FOCAD: variants seen among roughly 807,000 people sequenced by gnomAD.
FOCAD encodes focadhesin.
In FOCAD, 198 loss-of-function variants were observed where a neutral mutation model predicts 225.6. The observed-to-expected ratio is 0.88, with a 90% CI of 0.78 to 0.99. The LOEUF (loss-of-function observed/expected upper bound fraction) is 0.99. Among genes scored for constraint, FOCAD ranks in the 50% least tolerant of loss-of-function variants. The pLI, the probability that FOCAD is intolerant of heterozygous loss-of-function variation, is 0.00. For missense variants in FOCAD, 2,713 were observed against 2,123.6 expected, an observed-to-expected ratio of 1.28 and a Z score of -5.46; for synonymous variants, 897 against 755.0, an observed-to-expected ratio of 1.19 and a Z score of -3.08.
intron 16 of FOCAD, among the ~76,000 whole-genome samples, chr9:20,865,271 A>T (rs1829124945): frequency 6.6e-6 from 1 of 152,082 alleles, no homozygotes. Flanking sequence ...GGAAGAATTA[A>T]TATACTGTTG....
At chr9:20,918,806 G>C (rs374874924) in intron 24 of FOCAD, among the ~76,000 whole-genome samples, 13 of 152,250 alleles carry the variant, frequency 8.5e-5, no homozygotes, top group African/African-American at 3.1e-4. Context: ...ATGGTAGCAA[G>C]TGTATAAGAG....
upstream of FOCAD, chr9:20,683,991 T>A (rs1822496555): frequency 6.6e-6 from 1 of 152,306 alleles, no homozygotes; most frequent in Admixed American, 6.5e-5. Flanking sequence ...TTCCTTGGGC[T>A]AACTCCTCAC....
chr9:20,950,886 C>G, intron 33 of FOCAD, 110 bp from the exon 34 acceptor site: 1 of 861,728 alleles, frequency 1.2e-6, no homozygotes, highest in South Asian at 1.5e-5. Flanking sequence ...CTGCTCGTTG[C>G]CAGCCAAGCC....
At chr9:20,897,413 T>G (rs1231028517) in intron 21 of FOCAD, among the ~76,000 whole-genome samples, 4 of 148,602 alleles carry the variant, frequency 2.7e-5, no homozygotes, top group East Asian at 2.0e-4. Flanking sequence ...TTTGTTACTG[T>G]TTTTTTTTTC....
At chr9:20,873,308 T>C (rs1296426978) in intron 18 of FOCAD, among the ~76,000 whole-genome samples, 5 of 152,136 alleles carry the variant, frequency 3.3e-5, no homozygotes, top group Non-Finnish European at 2.9e-5. Context: ...TCAGGACTTT[T>C]TAGGCCACTA....
intron 5 of FOCAD, among the ~76,000 whole-genome samples, chr9:20,755,376 T>C (rs1353126893): frequency 6.6e-6 from 1 of 152,246 alleles, no homozygotes; most frequent in Non-Finnish European, 1.5e-5. Flanking sequence ...GCAACAAAGC[T>C]GGAGTGGCTC....
chr9:20,695,551 C>T (rs1214230308), intron 1 of FOCAD, among the ~76,000 whole-genome samples: 1 of 152,090 alleles, frequency 6.6e-6, no homozygotes, highest in Non-Finnish European at 1.5e-5. Context: ...TATACACGTA[C>T]ACAGTCTTCA....
At chr9:20,732,533 G>T (rs183136225) in intron 4 of FOCAD, among the ~76,000 whole-genome samples, 1 of 152,164 alleles carries the variant, frequency 6.6e-6, no homozygotes, top group Admixed American at 6.5e-5. Flanking sequence ...ACAGTGCAGC[G>T]CATGATTGAC....
At chr9:20,927,302 G>A (rs1383837615) in intron 26 of FOCAD, among the ~76,000 whole-genome samples, 1 of 152,074 alleles carries the variant, frequency 6.6e-6, no homozygotes, top group East Asian at 1.9e-4. Flanking sequence ...TGAAGGAATT[G>A]AAAAATATCA....
intron 1 of FOCAD, chr9:20,658,521 G>T (rs1367051159): frequency 1.3e-5 from 2 of 155,976 alleles, no homozygotes; most frequent in Admixed American, 6.5e-5. Flanking sequence ...GCAGTATTCG[G>T]GTGGGAGTGA....
chr9:20,719,169 C>T (rs1207061143), intron 3 of FOCAD, among the ~76,000 whole-genome samples: 1 of 152,058 alleles, frequency 6.6e-6, no homozygotes, highest in Non-Finnish European at 1.5e-5. Flanking sequence ...GCAACTTCTG[C>T]CTCCTGGGTT....
At chr9:20,778,149 T>C (rs1818980638) in intron 8 of FOCAD, among the ~76,000 whole-genome samples, 1 of 151,448 alleles carries the variant, frequency 6.6e-6, no homozygotes, top group Non-Finnish European at 1.5e-5. Context: ...ATCTGCTGTG[T>C]TGAGTTTTCC....
chr9:20,845,203 A>G (rs1826955541), intron 15 of FOCAD, among the ~76,000 whole-genome samples: 1 of 152,062 alleles, frequency 6.6e-6, no homozygotes, highest in African/African-American at 2.4e-5. Flanking sequence ...TTTTTAATGC[A>G]TGAGACACAT....
intron 1 of FOCAD, among the ~76,000 whole-genome samples, chr9:20,690,842 C>T (rs1465565199): frequency 6.6e-6 from 1 of 151,994 alleles, no homozygotes; most frequent in Admixed American, 6.6e-5. Context: ...CCATGCCTGG[C>T]CCTTTCATTT....
chr9:20,806,862 T>G (rs1822515185), intron 11 of FOCAD, among the ~76,000 whole-genome samples: 1 of 152,238 alleles, frequency 6.6e-6, no homozygotes, highest in Non-Finnish European at 1.5e-5. Context: ...CTTAGTGTCA[T>G]AGCACCCAGT....
chr9:20,679,582 T>A (rs766404923), upstream of FOCAD, among the ~76,000 whole-genome samples: 2 of 152,170 alleles, frequency 1.3e-5, no homozygotes, highest in Non-Finnish European at 2.9e-5. Context: ...CTCTCTTTTT[T>A]TTTGTTGTTG....
At chr9:20,752,561 G>A (rs1828666827) in intron 5 of FOCAD, among the ~76,000 whole-genome samples, 1 of 152,130 alleles carries the variant, frequency 6.6e-6, no homozygotes, top group Non-Finnish European at 1.5e-5. Flanking sequence ...GGTTACTGTA[G>A]CCTTGTATTA....
chr9:20,691,166 C>T (rs1822952332), intron 1 of FOCAD, among the ~76,000 whole-genome samples: 2 of 152,146 alleles, frequency 1.3e-5, no homozygotes, highest in Admixed American at 1.3e-4. Flanking sequence ...TGGTCTTGAA[C>T]TCCTGACCTC....
intron 21 of FOCAD, chr9:20,896,947 A>C (rs555508970): frequency 2.4e-4 from 37 of 151,856 alleles, no homozygotes; most frequent in African/African-American, 8.4e-4. Context: ...CTGTGTCTTT[A>C]CTGCTTTTCT....
Sources: allele counts gnomAD v4.1 joint callset (sites outside exome capture counted in the v4.1 genomes callset), GRCh38; gene constraint gnomAD v4.1.1; transcripts MANE v1.5; gene names NCBI Gene and HGNC (gene_info 2026-07-23, HGNC 2026-07-21).